Variants in GRXCR1 observed in about 807,000 individuals in gnomAD.
The protein encoded by GRXCR1 is glutaredoxin and cysteine rich domain containing 1, also known as glutaredoxin domain-containing cysteine-rich protein 1.
Under a neutral mutation model 27.3 loss-of-function variants are expected in GRXCR1, and 27 were observed. The ratio of observed to expected loss-of-function variants is 0.99; its 90% confidence interval spans 0.73 to 1.37. The LOEUF (loss-of-function observed/expected upper bound fraction) is 1.37, where lower values mean the gene tolerates loss of function less well. Ranked by LOEUF, GRXCR1 falls within the 40% of genes most tolerant of loss-of-function variation. The probability of loss-of-function intolerance (pLI) is 0.00; values close to 1 mark genes in which losing one functional copy is unlikely to be tolerated. For missense variants in GRXCR1, 379 were observed against 354.4 expected, an observed-to-expected ratio of 1.07 and a Z score of -0.56; for synonymous variants, 122 against 131.1, an observed-to-expected ratio of 0.93 and a Z score of 0.47.
intron 1 of GRXCR1, among the ~76,000 whole-genome samples, chr4:42,944,013 T>G (rs1747685219): frequency 6.6e-6 from 1 of 152,102 alleles, no homozygotes; most frequent in Non-Finnish European, 1.5e-5. Context: ...AAATAAGATT[T>G]GTATCCTAAC....
intron 1 of GRXCR1, among the ~76,000 whole-genome samples, chr4:42,945,777 CTCTG>C (rs1185248458): frequency 2.0e-5 from 3 of 152,138 alleles, no homozygotes; most frequent in African/African-American, 4.8e-5. Flanking sequence ...TAACGATGCT[CTCTG>C]TCTTATTTTA....
At chr4:42,925,620 T>C (rs1409726887) in intron 1 of GRXCR1, among the ~76,000 whole-genome samples, 1 of 152,038 alleles carries the variant, frequency 6.6e-6, no homozygotes, top group Non-Finnish European at 1.5e-5. Flanking sequence ...AAAAATATGC[T>C]AAATTCATGT....
At chr4:42,987,240 TAATATATAATATATATATATAATA>T (rs1711784306) in intron 2 of GRXCR1, among the ~76,000 whole-genome samples, 1 of 63,100 alleles carries the variant, frequency 1.6e-5, no homozygotes, top group African/African-American at 5.2e-5. Context: ...TATATATATA[TAATATATAATATATATATATAATA>T]TATATATATA....
intron 2 of GRXCR1, among the ~76,000 whole-genome samples, chr4:42,980,032 T>A (rs1250984502): frequency 6.6e-6 from 1 of 151,660 alleles, no homozygotes; most frequent in South Asian, 2.1e-4. Context: ...TACCTAATTT[T>A]ATTTTAGTCC....
chr4:43,027,500 G>A (rs1713293832), intron 3 of GRXCR1, among the ~76,000 whole-genome samples: 1 of 152,142 alleles, frequency 6.6e-6, no homozygotes, highest in South Asian at 2.1e-4. Flanking sequence ...TGATGTTGTA[G>A]GCCCATTATG....
chr4:42,922,879 C>T (rs1026880042), intron 1 of GRXCR1, among the ~76,000 whole-genome samples: 7 of 152,100 alleles, frequency 4.6e-5, no homozygotes, highest in Non-Finnish European at 8.8e-5. Context: ...ACTTCACCTA[C>T]GGTATCCTCC....
intron 1 of GRXCR1, among the ~76,000 whole-genome samples, chr4:42,950,080 G>A (rs930764965): frequency 1.3e-5 from 2 of 152,126 alleles, no homozygotes; most frequent in Admixed American, 6.6e-5. Flanking sequence ...AGAAAATTGA[G>A]AAACACTTTA....
intron 2 of GRXCR1, among the ~76,000 whole-genome samples, chr4:43,007,678 T>C (rs1014631913): frequency 6.6e-6 from 1 of 152,182 alleles, no homozygotes; most frequent in Non-Finnish European, 1.5e-5. Flanking sequence ...ATGAATTGAA[T>C]GTGGGATGAT....
chr4:42,918,246 C>A (rs1221536530), intron 1 of GRXCR1, among the ~76,000 whole-genome samples: 3 of 152,040 alleles, frequency 2.0e-5, no homozygotes, highest in Admixed American at 1.3e-4. Context: ...AAACTCACTC[C>A]TGAAAGCCAT....
chr4:42,893,815 TG>T (rs1422568212), intron 1 of GRXCR1, among the ~76,000 whole-genome samples, 165 bp downstream of exon 1: 1 of 152,166 alleles, frequency 6.6e-6, no homozygotes, highest in Non-Finnish European at 1.5e-5. Flanking sequence ...AATTAAAAAC[TG>T]GGTCATTGTG....
intron 1 of GRXCR1, among the ~76,000 whole-genome samples, chr4:42,911,813 A>G (rs892439867): frequency 6.6e-6 from 1 of 152,186 alleles, no homozygotes; most frequent in African/African-American, 2.4e-5. Flanking sequence ...TATATAGATT[A>G]GAGCAGTACC....
intron 2 of GRXCR1, among the ~76,000 whole-genome samples, chr4:43,003,253 T>C (rs1209397373): frequency 6.6e-6 from 1 of 152,128 alleles, no homozygotes; most frequent in Admixed American, 6.5e-5. Context: ...TGTATACGTA[T>C]GTAACAAACC....
intron 1 of GRXCR1, among the ~76,000 whole-genome samples, chr4:42,953,690 A>G (rs1432786086): frequency 6.6e-6 from 1 of 152,168 alleles, no homozygotes; most frequent in Non-Finnish European, 1.5e-5. Flanking sequence ...TCATTGTGTA[A>G]TTATGAGGTT....
At chr4:42,954,537 A>T (rs2109770843) in intron 1 of GRXCR1, among the ~76,000 whole-genome samples, 1 of 152,218 alleles carries the variant, frequency 6.6e-6, no homozygotes, top group Non-Finnish European at 1.5e-5. Flanking sequence ...CTTAGTTTCC[A>T]TGTCTATAAA....
At chr4:42,966,394 T>C (rs749142573) in intron 2 of GRXCR1, among the ~76,000 whole-genome samples, 2 of 152,040 alleles carry the variant, frequency 1.3e-5, no homozygotes, top group African/African-American at 2.4e-5. Flanking sequence ...TTGATAAAAA[T>C]AGATTTCTTA....
intron 1 of GRXCR1, among the ~76,000 whole-genome samples, chr4:42,960,653 A>G (rs1748111390): frequency 6.6e-6 from 1 of 150,918 alleles, no homozygotes; most frequent in Non-Finnish European, 1.5e-5. Context: ...TTTTTTTTTC[A>G]CATTTTCTCT....
intron 2 of GRXCR1, among the ~76,000 whole-genome samples, chr4:43,011,028 A>G (rs1464718765): frequency 6.6e-6 from 1 of 152,166 alleles, no homozygotes; most frequent in African/African-American, 2.4e-5. Flanking sequence ...TGAGCCCACG[A>G]TGTCAAACCT....
intron 2 of GRXCR1, among the ~76,000 whole-genome samples, chr4:42,988,169 A>T (rs1711841415): frequency 6.6e-6 from 1 of 152,202 alleles, no homozygotes; most frequent in Admixed American, 6.5e-5. Flanking sequence ...GGCAGCAATG[A>T]TACTTGCTGA....
chr4:42,956,245 G>A (rs1461643997), intron 1 of GRXCR1, among the ~76,000 whole-genome samples: 1 of 152,008 alleles, frequency 6.6e-6, no homozygotes, highest in East Asian at 1.9e-4. Flanking sequence ...TTACCATCTA[G>A]GTCGGCTCTC....
Sources: gnomAD v4.1 joint callset for allele counts (sites outside exome capture counted in the v4.1 genomes callset) on GRCh38, gnomAD v4.1.1 for gene constraint, MANE v1.5 for transcripts, NCBI Gene and HGNC (gene_info 2026-07-23, HGNC 2026-07-21) for gene names.